The following GNA12 variants were observed in gnomAD, a reference collection of about 807,000 sequenced individuals.
The protein encoded by GNA12 is G protein subunit alpha 12.
GNA12 carries 9 observed loss-of-function variants against 26.0 expected under a neutral mutation model. The observed-to-expected ratio is 0.35, with a 90% CI of 0.21 to 0.60. The LOEUF (loss-of-function observed/expected upper bound fraction) is 0.60, where lower values mean the gene tolerates loss of function less well. Ranked by LOEUF, GNA12 falls within the 20% of genes least tolerant of loss-of-function variation. The pLI is 0.78. For missense variants in GNA12, 405 were observed against 525.8 expected, an observed-to-expected ratio of 0.77 and a Z score of 2.25; for synonymous variants, 264 against 219.6, an observed-to-expected ratio of 1.20 and a Z score of -1.79.
intron 2 of GNA12, among the ~76,000 whole-genome samples, chr7:2,744,808 G>A (rs994300624): frequency 3.9e-5 from 6 of 152,180 alleles, no homozygotes; most frequent in African/African-American, 1.4e-4. Flanking sequence ...AATAACCAAT[G>A]CAGAGAAGTC....
intron 2 of GNA12, among the ~76,000 whole-genome samples, chr7:2,743,873 TC>T (rs1260311541): frequency 6.6e-6 from 1 of 151,868 alleles, no homozygotes; most frequent in Non-Finnish European, 1.5e-5. Flanking sequence ...CCAGATTACA[TC>T]CCGCACCTGG....
chr7:2,820,404 T>TTTC (rs1293427621), intron 1 of GNA12, among the ~76,000 whole-genome samples: 6 of 147,068 alleles, frequency 4.1e-5, no homozygotes, highest in Non-Finnish European at 8.9e-5. Context: ...AATAAAGCTT[T>TTTC]TTTTTTTTTT....
intron 1 of GNA12, 82 bp from the exon 2 acceptor site, chr7:2,795,225 A>C: frequency 9.8e-7 from 1 of 1,016,700 alleles, no homozygotes. Flanking sequence ...ATGGGCATCC[A>C]TTGTCATAAC....
At chr7:2,741,431 C>A (rs978892798) in intron 2 of GNA12, among the ~76,000 whole-genome samples, 12 of 152,286 alleles carry the variant, frequency 7.9e-5, no homozygotes, top group African/African-American at 2.4e-4. Context: ...GCTTCCACCA[C>A]AGAATCTCTA....
intron 2 of GNA12, among the ~76,000 whole-genome samples, chr7:2,755,943 A>AT (rs1276542122): frequency 5.9e-5 from 9 of 152,026 alleles, no homozygotes; most frequent in Admixed American, 2.0e-4. Flanking sequence ...CCCAGCAGGC[A>AT]TTTTTTTTGG....
chr7:2,770,773 T>C (rs557427452), intron 2 of GNA12, among the ~76,000 whole-genome samples: 2 of 152,358 alleles, frequency 1.3e-5, no homozygotes, highest in African/African-American at 4.8e-5. Context: ...TGCTTTGTGT[T>C]TCCACGTAGG....
chr7:2,744,407 A>G (rs916827388), intron 2 of GNA12, among the ~76,000 whole-genome samples: 4 of 152,246 alleles, frequency 2.6e-5, no homozygotes, highest in African/African-American at 9.6e-5. Context: ...CCAAGCAAAC[A>G]GGGTCTGGAG....
At chr7:2,835,571 C>T (rs544222431) in intron 1 of GNA12, 7 of 529,260 alleles carry the variant, frequency 1.3e-5, no homozygotes, top group South Asian at 4.5e-5. Context: ...GGAGCAAGAG[C>T]GCGCTTGGGG....
At chr7:2,777,964 C>T (rs1016361054) in intron 2 of GNA12, among the ~76,000 whole-genome samples, 3 of 152,180 alleles carry the variant, frequency 2.0e-5, no homozygotes, top group African/African-American at 7.2e-5. Context: ...AGATGTCTTC[C>T]AACTTCAGAA....
chr7:2,740,718 T>C (rs1372829780), intron 2 of GNA12, among the ~76,000 whole-genome samples: 3 of 152,154 alleles, frequency 2.0e-5, no homozygotes, highest in African/African-American at 7.2e-5. Context: ...ATAAGATGTT[T>C]AATAGTTCAA....
intron 2 of GNA12, among the ~76,000 whole-genome samples, chr7:2,735,799 T>C (rs952656254): frequency 6.6e-6 from 1 of 152,004 alleles, no homozygotes; most frequent in Non-Finnish European, 1.5e-5. Context: ...GGCGGCCTCA[T>C]CTCGAGAAAC....
intron 2 of GNA12, among the ~76,000 whole-genome samples, chr7:2,794,371 G>T (rs889711089): frequency 2.8e-4 from 43 of 152,116 alleles, no homozygotes; most frequent in African/African-American, 9.9e-4. Context: ...ATTTTGAAAG[G>T]TAGAAAAAAA....
intron 2 of GNA12, among the ~76,000 whole-genome samples, chr7:2,792,310 C>G (rs757647208): frequency 1.3e-5 from 2 of 152,202 alleles, no homozygotes; most frequent in African/African-American, 4.8e-5. Flanking sequence ...CAGTGATTAC[C>G]AAGATGATGT....
chr7:2,791,684 G>C (rs966914500), intron 2 of GNA12, among the ~76,000 whole-genome samples: 2 of 151,932 alleles, frequency 1.3e-5, no homozygotes, highest in African/African-American at 4.8e-5. Flanking sequence ...GAAAAGCTTT[G>C]ACACTCAGGA....
intron 2 of GNA12, among the ~76,000 whole-genome samples, chr7:2,770,010 T>C (rs144035969): frequency 2.6e-5 from 4 of 152,308 alleles, no homozygotes; most frequent in African/African-American, 7.2e-5. Context: ...AGGTTTATAA[T>C]AGGAAGTTAC....
In GNA12 at chr7:2,731,822, G is replaced by C; in HGVS notation, c.577-72C>G. The C allele has an allele frequency of 1.3e-6, 1 of 785,264 alleles. No individual in the cohort carries two copies. 48.6% of individuals were successfully genotyped at this position (785,264 alleles called of 1,614,324 possible). On this transcript the variant is annotated intron_variant, in intron 3 of 3. Transcript: ENST00000275364. The surrounding 1 kb of genome is among the most constrained non-coding windows in gnomAD (Gnocchi z 6.0). ...ACAGAGAAAATAGAAACAAAAAGATGGCAAAAAGATAAGAAGGAAAGAGAC... is the reference window on the plus strand; with the variant it reads ...ACAGAGAAAATAGAAACAAAAAGATCGCAAAAAGATAAGAAGGAAAGAGAC...
intron 2 of GNA12, among the ~76,000 whole-genome samples, chr7:2,768,919 G>A (rs575070507): frequency 2.0e-5 from 3 of 152,242 alleles, no homozygotes; most frequent in African/African-American, 4.8e-5. Context: ...CCCTTACCAT[G>A]CCTTAGATAT....
chr7:2,736,411 G>A (rs1790178948), intron 2 of GNA12, among the ~76,000 whole-genome samples: 2 of 151,034 alleles, frequency 1.3e-5, no homozygotes, highest in African/African-American at 4.8e-5. Context: ...TGGGGCCAGC[G>A]GCCACTGAGC....
chr7:2,747,331 T>G (rs1243513851), intron 2 of GNA12, among the ~76,000 whole-genome samples: 2 of 151,692 alleles, frequency 1.3e-5, no homozygotes, highest in African/African-American at 4.9e-5. Flanking sequence ...CATGATCAAG[T>G]TGGGCTTCAT....
Sources: allele counts gnomAD v4.1 joint callset (sites outside exome capture counted in the v4.1 genomes callset), GRCh38; gene constraint gnomAD v4.1.1; non-coding constraint Gnocchi (gnomAD v3.1); transcripts MANE v1.5; gene names NCBI Gene and HGNC (gene_info 2026-07-23, HGNC 2026-07-21).